HDAC4: variants seen among roughly 807,000 people sequenced by gnomAD.
The protein encoded by HDAC4 is histone deacetylase 4.
In HDAC4, 16 loss-of-function variants were observed where a neutral mutation model predicts 135.1. The observed-to-expected ratio is 0.12, with a 90% confidence interval of 0.08 to 0.18. The LOEUF is 0.18. Ranked by LOEUF, HDAC4 falls within the 10% of genes least tolerant of loss-of-function variation. The pLI, the probability that HDAC4 is intolerant of heterozygous loss-of-function variation, is 1.00. For synonymous variants in HDAC4, 685 were observed against 653.4 expected (o/e 1.05, Z -0.74); for missense variants, 1,143 against 1,511.8 (o/e 0.76, Z 4.05).
chr2:239,080,992 C>G (rs1374725597), intron 22 of HDAC4, 103 bp downstream of exon 22: 1 of 872,530 alleles, frequency 1.1e-6, no homozygotes, highest in African/African-American at 1.6e-5. Flanking sequence ...CGTTCAGCCA[C>G]AGACCAGTTT....
intron 3 of HDAC4, among the ~76,000 whole-genome samples, chr2:239,201,434 C>T (rs1251219627): frequency 4.6e-5 from 7 of 152,322 alleles, no homozygotes; most frequent in African/African-American, 1.7e-4. Context: ...GGGGCCTGCC[C>T]GACCCCTCGG....
chr2:239,266,185 C>T (rs2049716936), intron 2 of HDAC4, among the ~76,000 whole-genome samples: 1 of 152,220 alleles, frequency 6.6e-6, no homozygotes, highest in Admixed American at 6.5e-5. Flanking sequence ...CCCTCGCCGG[C>T]ATCCCAGCAC....
At chr2:239,195,077 G>C (rs2045284718) in intron 3 of HDAC4, among the ~76,000 whole-genome samples, 2 of 152,194 alleles carry the variant, frequency 1.3e-5, no homozygotes, top group African/African-American at 4.8e-5. Context: ...GCAGCCAGAG[G>C]GGGCTTCGGT....
intron 6 of HDAC4, chr2:239,162,011 G>T: frequency 2.4e-6 from 1 of 417,826 alleles, no homozygotes; most frequent in Non-Finnish European, 4.9e-6. Flanking sequence ...TCGGCCCCCC[G>T]TCCACTGTCC....
intron 4 of HDAC4, among the ~76,000 whole-genome samples, chr2:239,189,017 C>T (rs1052807386): frequency 1.3e-5 from 2 of 152,266 alleles, no homozygotes; most frequent in African/African-American, 4.8e-5. Context: ...CAAGACAATA[C>T]AAACTTGCTA....
At chr2:239,069,897 C>T (rs1170721650) in intron 22 of HDAC4, among the ~76,000 whole-genome samples, 1 of 152,190 alleles carries the variant, frequency 6.6e-6, no homozygotes, top group African/African-American at 2.4e-5. Context: ...TTTCTGTAAC[C>T]CCCATGGGAC....
At chr2:239,142,737 A>C (rs1432204891) in intron 8 of HDAC4, among the ~76,000 whole-genome samples, 194 of 99,842 alleles carry the variant, frequency 1.9e-3, no homozygotes, top group African/African-American at 2.2e-3. Context: ...GCACTGATCA[A>C]GCCCTGTCAC....
chr2:239,325,832 G>A (rs1452158892), intron 2 of HDAC4, among the ~76,000 whole-genome samples: 1 of 152,144 alleles, frequency 6.6e-6, no homozygotes, highest in Admixed American at 6.5e-5. Flanking sequence ...GGGCGTGGTG[G>A]CGGGTGTCTG....
intron 11 of HDAC4, among the ~76,000 whole-genome samples, chr2:239,130,888 C>T (rs2040531296): frequency 6.6e-6 from 1 of 152,228 alleles, no homozygotes; most frequent in African/African-American, 2.4e-5. Flanking sequence ...CTTAGCTGGG[C>T]TGTCCAGGCA....
intron 12 of HDAC4, among the ~76,000 whole-genome samples, chr2:239,119,935 AG>A (rs988931062): frequency 2.9e-4 from 44 of 150,816 alleles, no homozygotes; most frequent in African/African-American, 1.0e-3. Flanking sequence ...ACCCGTGGAC[AG>A]GAGAGTGAGC....
intron 2 of HDAC4, among the ~76,000 whole-genome samples, chr2:239,254,047 C>A (rs756972213): frequency 3.3e-5 from 5 of 152,268 alleles, no homozygotes; most frequent in Non-Finnish European, 4.4e-5. Context: ...GAATCTAAGA[C>A]CCTAAACCTG....
chr2:239,183,007 C>T (rs1017546018), intron 4 of HDAC4, among the ~76,000 whole-genome samples: 1 of 152,216 alleles, frequency 6.6e-6, no homozygotes, highest in Non-Finnish European at 1.5e-5. Flanking sequence ...TGCAACTAGT[C>T]CCTCGCTAAC....
At chr2:239,183,293 C>CA (rs1290691065) in intron 4 of HDAC4, among the ~76,000 whole-genome samples, 1 of 152,220 alleles carries the variant, frequency 6.6e-6, no homozygotes, top group African/African-American at 2.4e-5. Flanking sequence ...AGTGGTAACC[C>CA]AAAAAGATTT....
chr2:239,066,811 G>A lies in HDAC4; in HGVS notation c.2914C>T (p.Arg972Trp). 1 of 1,613,494 alleles carries A rather than the reference G, an allele frequency of 6.2e-7. No homozygotes were observed. Residue 972 changes from arginine (R) to tryptophan (W), a missense_variant, in exon 24 of 27, where the codon CGG becomes TGG. Arg to Trp is a moderately radical substitution (Grantham distance 101, BLOSUM62 -3). This residue lies in a region of HDAC4 where 189 missense variants were observed against 317.6 expected (regional missense o/e 0.60). Coordinates refer to ENST00000543185, the MANE Select transcript of HDAC4 (RefSeq NM_001378414.1). ...TKQLMGLAGGRIVLALEGGHD... is the reference protein window; with the variant it reads ...TKQLMGLAGGWIVLALEGGHD... ...CCTCCCTCGAGGGCCAGGACAATCC[G>A]GCCGCCAGCCAGGCCCATCAGCTGC...
At chr2:239,311,811 G>A (rs1160136857) in intron 2 of HDAC4, among the ~76,000 whole-genome samples, 6 of 152,188 alleles carry the variant, frequency 3.9e-5, no homozygotes, top group Non-Finnish European at 8.8e-5. Flanking sequence ...GCTTCCTCAC[G>A]GTGACATGGC....
intron 4 of HDAC4, among the ~76,000 whole-genome samples, chr2:239,177,103 A>C (rs1232924322): frequency 6.6e-6 from 1 of 152,248 alleles, no homozygotes; most frequent in Non-Finnish European, 1.5e-5. Flanking sequence ...GGACACTTGG[A>C]GAAATGATGT....
intron 3 of HDAC4, among the ~76,000 whole-genome samples, chr2:239,233,721 T>C (rs558113974): frequency 5.4e-4 from 83 of 152,326 alleles, no homozygotes; most frequent in African/African-American, 1.9e-3. Context: ...CACGAGGGAA[T>C]GGTCAGGAAA....
intron 2 of HDAC4, among the ~76,000 whole-genome samples, chr2:239,345,754 ACAC>A (rs1021546785): frequency 2.0e-5 from 3 of 146,800 alleles, no homozygotes; most frequent in African/African-American, 8.1e-5. Flanking sequence ...TAAAACACAC[ACAC>A]CCCCGTCTCA....
At chr2:239,305,735 C>T (rs936452688) in intron 2 of HDAC4, among the ~76,000 whole-genome samples, 1 of 152,160 alleles carries the variant, frequency 6.6e-6, no homozygotes, top group East Asian at 1.9e-4. Context: ...TCTAGCCATC[C>T]CTAGACTGAT....
Sources: allele counts gnomAD v4.1 joint callset (sites outside exome capture counted in the v4.1 genomes callset), GRCh38; gene constraint gnomAD v4.1.1; regional missense constraint gnomAD v4.1.1; transcripts MANE v1.5; gene names NCBI Gene and HGNC (gene_info 2026-07-23, HGNC 2026-07-21).